MGAT4C: variants seen among roughly 807,000 people sequenced by gnomAD.
MGAT4C encodes the protein MGAT4 family member C, also known as alpha-1,3-mannosyl-glycoprotein 4-beta-N-acetylglucosaminyltransferase C.
In MGAT4C, 19 loss-of-function variants were observed where a neutral mutation model predicts 40.1. The ratio of observed to expected loss-of-function variants is 0.47; its 90% CI spans 0.33 to 0.70. The LOEUF (loss-of-function observed/expected upper bound fraction) is 0.70, where lower values mean the gene tolerates loss of function less well. Among genes scored for constraint, MGAT4C ranks in the 30% least tolerant of loss-of-function variants. The pLI is 0.02. For missense variants in MGAT4C, 491 were observed against 563.2 expected (o/e 0.87, Z 1.30); for synonymous variants, 181 against 187.1 (o/e 0.97, Z 0.27).
intron 2 of MGAT4C, among the ~76,000 whole-genome samples, chr12:86,678,637 T>A (rs1363417603): frequency 7.1e-6 from 1 of 139,944 alleles, no homozygotes; most frequent in Non-Finnish European, 1.5e-5. Context: ...TGTCCATGTG[T>A]TCTCATTGTT....
chr12:86,439,734 C>A (rs1957195950), intron 2 of MGAT4C, among the ~76,000 whole-genome samples: 1 of 151,658 alleles, frequency 6.6e-6, no homozygotes, highest in South Asian at 2.1e-4. Context: ...GACCACTAGC[C>A]AGATTAGCCA....
chr12:86,669,677 C>T (rs1296489588), intron 2 of MGAT4C, among the ~76,000 whole-genome samples: 1 of 152,332 alleles, frequency 6.6e-6, no homozygotes, highest in East Asian at 1.9e-4. Flanking sequence ...TTTGGCCCTG[C>T]CTATCTTTGC....
At chr12:86,111,096 T>G (rs1403914373) in intron 1 of MGAT4C, among the ~76,000 whole-genome samples, 1 of 151,858 alleles carries the variant, frequency 6.6e-6, no homozygotes, top group African/African-American at 2.4e-5. Flanking sequence ...ACTTTTATAG[T>G]TTTTAAACCA....
chr12:86,605,960 C>T (rs1025915508), intron 2 of MGAT4C, among the ~76,000 whole-genome samples: 4 of 152,074 alleles, frequency 2.6e-5, no homozygotes, highest in Non-Finnish European at 5.9e-5. Flanking sequence ...ACTCACTGTT[C>T]AGCATTGCTG....
At chr12:86,596,922 A>G (rs1961558601) in intron 2 of MGAT4C, among the ~76,000 whole-genome samples, 1 of 152,174 alleles carries the variant, frequency 6.6e-6, no homozygotes, top group African/African-American at 2.4e-5. Flanking sequence ...CCTGACCATA[A>G]CAGCATGGAA....
At chr12:86,649,527 C>A (rs769384815) in intron 2 of MGAT4C, among the ~76,000 whole-genome samples, 3 of 151,640 alleles carry the variant, frequency 2.0e-5, no homozygotes, top group Non-Finnish European at 4.4e-5. Flanking sequence ...GTTCTTTATG[C>A]AGATATAAAA....
chr12:86,474,515 TATA>T (rs56065913), intron 2 of MGAT4C, among the ~76,000 whole-genome samples: 4 of 151,136 alleles, frequency 2.6e-5, no homozygotes, highest in Admixed American at 6.6e-5. Context: ...AAACTTAGAG[TATA>T]ATAATAATAA....
chr12:86,686,686 A>G (rs147857077), intron 2 of MGAT4C, among the ~76,000 whole-genome samples: 1,580 of 152,244 alleles, frequency 0.01, 87 homozygotes, highest in Non-Finnish European at 3.5e-3. Context: ...GGATGAAGTC[A>G]ACTTGATCAT....
intron 1 of MGAT4C, among the ~76,000 whole-genome samples, chr12:86,774,351 C>CTTTCTTT (rs1565981755): frequency 3.1e-5 from 1 of 31,768 alleles, no homozygotes; most frequent in South Asian, 1.5e-3. Context: ...GTCTCTCTCT[C>CTTTCTTT]TCCCCTCTCT....
chr12:86,573,670 A>G (rs941904133), intron 2 of MGAT4C, among the ~76,000 whole-genome samples: 26 of 152,132 alleles, frequency 1.7e-4, no homozygotes, highest in African/African-American at 6.3e-4. Context: ...GGCAATTAGT[A>G]TGTGTTCACT....
rs11459552 is a variant in MGAT4C at position 86,230,869 on chromosome 12, C to CTT, written c.-57+25368_-57+25369dup. ...AACAGATGACTACTTCAAACACTCC[C>CTT]TTTTTTTTTTTTTACTTTTTTCCTA... On this transcript the variant is annotated intron_variant, in intron 1 of 4. Transcript: ENST00000611864. Among the ~76,000 whole-genome samples, 735 of 145,030 alleles carry CTT rather than the reference C, an allele frequency of 5.1e-3. 4 individuals are homozygous for CTT. Among genetic ancestry groups the CTT allele is most frequent in the African/African-American group, 0.015 (597 of 39,422 alleles).
chr12:86,512,005 G>T (rs1016750366), intron 2 of MGAT4C, among the ~76,000 whole-genome samples: 1 of 151,820 alleles, frequency 6.6e-6, no homozygotes, highest in Non-Finnish European at 1.5e-5. Context: ...TCTGATAAAG[G>T]ATTTATATTC....
In MGAT4C at chr12:86,499,265, A is replaced by ATG. The variant is rs1236784062; in HGVS notation, c.-228-64002_-228-64001dup. On this transcript the variant is annotated intron_variant, in intron 2 of 7. Transcript: ENST00000548651. Reference sequence around the variant, plus strand: ...GGATGTTAAAGGCTCAACTATATTTATGTGTGTGTGTGTATGTATATATAT... The same window carrying ATG: ...GGATGTTAAAGGCTCAACTATATTTATGTGTGTGTGTGTGTATGTATATATAT... 7.3e-5 allele frequency among the ~76,000 whole-genome samples: 11 copies of ATG among 151,396 alleles called. No individual in the cohort carries two copies. The South Asian group carries it at 1.2e-3, about 17-fold the overall frequency.
intron 2 of MGAT4C, among the ~76,000 whole-genome samples, chr12:86,706,943 G>A (rs903843771): frequency 6.6e-6 from 1 of 152,172 alleles, no homozygotes; most frequent in Non-Finnish European, 1.5e-5. Flanking sequence ...AGATGTCATG[G>A]TTTTATAAGA....
chr12:86,773,028 G>C (rs546529917), intron 1 of MGAT4C, among the ~76,000 whole-genome samples: 3 of 152,108 alleles, frequency 2.0e-5, no homozygotes, highest in Admixed American at 6.6e-5. Flanking sequence ...ATACATTTGT[G>C]GGGGGCAGAG....
chr12:86,284,396 T>C (rs1953295834), intron 4 of MGAT4C, among the ~76,000 whole-genome samples: 1 of 151,872 alleles, frequency 6.6e-6, no homozygotes, highest in Admixed American at 6.6e-5. Flanking sequence ...CTTCTAGAAG[T>C]AGTGATTTCA....
chr12:86,390,923 C>A (rs1956150072), intron 3 of MGAT4C, among the ~76,000 whole-genome samples: 1 of 152,154 alleles, frequency 6.6e-6, no homozygotes, highest in Admixed American at 6.5e-5. Context: ...TCTAATTCTA[C>A]AACCCGTATC....
At chr12:86,788,592 C>CA (rs1455425604) in intron 1 of MGAT4C, among the ~76,000 whole-genome samples, 1 of 152,094 alleles carries the variant, frequency 6.6e-6, no homozygotes, top group Non-Finnish European at 1.5e-5. Context: ...TGGCCAGAGT[C>CA]AATTTATGTT....
intron 2 of MGAT4C, among the ~76,000 whole-genome samples, chr12:85,993,168 C>T (rs191011646): frequency 1.4e-3 from 206 of 152,236 alleles, no homozygotes; most frequent in African/African-American, 4.7e-3. Flanking sequence ...TAGAACTTAA[C>T]CTAAGTAATT....
Sources: allele counts gnomAD v4.1 joint callset (sites outside exome capture counted in the v4.1 genomes callset), GRCh38; gene constraint gnomAD v4.1.1; transcripts MANE v1.5; gene names NCBI Gene and HGNC (gene_info 2026-07-23, HGNC 2026-07-21).